The following PEPD variants were observed in gnomAD, a reference collection of about 807,000 sequenced individuals.
PEPD encodes the protein peptidase D, also known as xaa-Pro dipeptidase.
A neutral mutation model predicts 60.7 loss-of-function variants in PEPD; 53 were observed. The observed-to-expected ratio is 0.87, with a 90% confidence interval of 0.70 to 1.10. The LOEUF (loss-of-function observed/expected upper bound fraction) is 1.10. PEPD is among the 50% of genes least tolerant of loss of function. The probability of loss-of-function intolerance (pLI) is 0.00; values close to 1 mark genes in which losing one functional copy is unlikely to be tolerated. For missense variants in PEPD, 711 were observed against 711.9 expected (o/e 1.00, Z 0.01); for synonymous variants, 267 against 284.1 (o/e 0.94, Z 0.60).
At chr19:33,424,242 G>A (rs552412237) in intron 9 of PEPD, among the ~76,000 whole-genome samples, 2 of 152,338 alleles carry the variant, frequency 1.3e-5, no homozygotes, top group South Asian at 2.1e-4. Context: ...GACACCAGAG[G>A]CAGAACTTGA....
chr19:33,517,736 G>A (rs1971050699), intron 1 of PEPD, among the ~76,000 whole-genome samples: 1 of 151,940 alleles, frequency 6.6e-6, no homozygotes, highest in South Asian at 2.1e-4. Context: ...GGAGGCTGAA[G>A]TGGGTGGGTC....
At position 33,406,296 on chromosome 19, in the gene PEPD, C is replaced by T. The variant is rs80173584; in HGVS notation, c.819-4427G>A. Among the ~76,000 whole-genome samples, 1,068 of 152,300 alleles carry T rather than the reference C, an allele frequency of 7.0e-3. 14 individuals carry two copies. Among genetic ancestry groups the T allele is most frequent in the African/African-American group, 0.024 (999 of 41,554 alleles). On this transcript the variant is annotated intron_variant, in intron 11 of 14. Coordinates refer to ENST00000244137, the MANE Select transcript of PEPD (RefSeq NM_000285.4). Reference sequence around the variant, plus strand: ...ACATCAGCTGAGGAGGGTGCAGCCACGAAGCACAAACAAGAGACAAACCGA... The same window carrying T: ...ACATCAGCTGAGGAGGGTGCAGCCATGAAGCACAAACAAGAGACAAACCGA...
intron 9 of PEPD, among the ~76,000 whole-genome samples, chr19:33,437,343 T>C (rs1445057900): frequency 6.6e-6 from 1 of 152,034 alleles, no homozygotes; most frequent in Non-Finnish European, 1.5e-5. Flanking sequence ...CTACTTTTAT[T>C]TGTCCCCAAG....
intron 1 of PEPD, among the ~76,000 whole-genome samples, chr19:33,520,600 C>T (rs1489112634): frequency 1.3e-5 from 2 of 152,192 alleles, no homozygotes; most frequent in African/African-American, 4.8e-5. Context: ...ATAGCAGGTG[C>T]CCACAAAATA....
intron 9 of PEPD, among the ~76,000 whole-genome samples, chr19:33,414,424 G>A (rs1968844641): frequency 1.3e-5 from 2 of 152,216 alleles, no homozygotes; most frequent in South Asian, 4.1e-4. Context: ...AGCTCCAAGG[G>A]ACTGAGCCAT....
chr19:33,430,928 G>GT (rs1280562481), intron 9 of PEPD, among the ~76,000 whole-genome samples: 7 of 152,144 alleles, frequency 4.6e-5, no homozygotes, highest in African/African-American at 2.4e-5. Context: ...GAACCACAGT[G>GT]TATCTCTGTT....
intron 9 of PEPD, among the ~76,000 whole-genome samples, chr19:33,441,499 C>T (rs1251742346): frequency 3.9e-5 from 6 of 152,248 alleles, no homozygotes; most frequent in African/African-American, 7.2e-5. Flanking sequence ...CACGTCTTTG[C>T]GCCCAGCCAG....
At chr19:33,440,232 A>G (rs1969457370) in intron 9 of PEPD, among the ~76,000 whole-genome samples, 1 of 151,944 alleles carries the variant, frequency 6.6e-6, no homozygotes, top group South Asian at 2.1e-4. Context: ...ACCTCACTCA[A>G]TAGCAGCTCC....
At chr19:33,510,923 C>G in intron 3 of PEPD, 105 bp downstream of exon 3, 1 of 1,217,198 alleles carries the variant, frequency 8.2e-7, no homozygotes, top group Non-Finnish European at 1.2e-6. Context: ...CAGCTCTTCC[C>G]TCCTCCCCGT....
intron 11 of PEPD, among the ~76,000 whole-genome samples, chr19:33,402,168 C>T (rs567711974): frequency 4.6e-5 from 7 of 152,208 alleles, no homozygotes; most frequent in African/African-American, 1.7e-4. Context: ...ATGACACCCA[C>T]CCCTGTGGCC....
At chr19:33,393,222 AGGCCGTCCCGGGGTCTG>A (rs1568446594) in intron 12 of PEPD, among the ~76,000 whole-genome samples, 36 of 98,632 alleles carry the variant, frequency 3.6e-4, no homozygotes, top group African/African-American at 1.6e-3. Flanking sequence ...GGCGTCGGGG[AGGCCGTCCCGGGGTCTG>A]GGGTCTGGGG....
At chr19:33,481,373 C>A (rs1288917904) in intron 6 of PEPD, among the ~76,000 whole-genome samples, 3 of 151,410 alleles carry the variant, frequency 2.0e-5, no homozygotes, top group Admixed American at 2.0e-4. Context: ...TCGAGACCAG[C>A]CTGGCCAACA....
At chr19:33,454,088 C>T (rs1052736438) in intron 9 of PEPD, among the ~76,000 whole-genome samples, 3 of 152,236 alleles carry the variant, frequency 2.0e-5, no homozygotes, top group African/African-American at 7.2e-5. Flanking sequence ...AGTGAAATGG[C>T]TAACTCTGAG....
intron 11 of PEPD, among the ~76,000 whole-genome samples, chr19:33,411,418 C>T (rs1968768830): frequency 6.6e-6 from 1 of 152,206 alleles, no homozygotes; most frequent in Non-Finnish European, 1.5e-5. Flanking sequence ...CCATGGCCCA[C>T]AGGAAACCAT....
intron 6 of PEPD, among the ~76,000 whole-genome samples, chr19:33,481,977 A>G (rs1217245106): frequency 6.6e-6 from 1 of 151,780 alleles, no homozygotes; most frequent in Non-Finnish European, 1.5e-5. Flanking sequence ...CTGAGATCAC[A>G]CCACTGCACT....
chr19:33,480,223 C>CA (rs1970288652), intron 6 of PEPD, among the ~76,000 whole-genome samples: 1 of 152,106 alleles, frequency 6.6e-6, no homozygotes, highest in African/African-American at 2.4e-5. Flanking sequence ...GCTACACAAA[C>CA]AGAAACGAAA....
chr19:33,514,557 C>A (rs960914229), intron 1 of PEPD, among the ~76,000 whole-genome samples: 1 of 151,914 alleles, frequency 6.6e-6, no homozygotes, highest in Non-Finnish European at 1.5e-5. Flanking sequence ...CAGATACACC[C>A]CCCTGCACTG....
At chr19:33,466,883 C>T (rs944589025) in intron 7 of PEPD, among the ~76,000 whole-genome samples, 3 of 152,006 alleles carry the variant, frequency 2.0e-5, no homozygotes, top group East Asian at 1.9e-4. Context: ...CTAGGCCGGG[C>T]GCGGTGGCTC....
At chr19:33,424,542 C>T (rs1253136302) in intron 9 of PEPD, among the ~76,000 whole-genome samples, 1 of 152,166 alleles carries the variant, frequency 6.6e-6, no homozygotes, top group African/African-American at 2.4e-5. Context: ...CAAAAACTCC[C>T]CCTTTTAAAA....
Sources: allele counts gnomAD v4.1 joint callset (sites outside exome capture counted in the v4.1 genomes callset), GRCh38; gene constraint gnomAD v4.1.1; transcripts MANE v1.5; gene names NCBI Gene and HGNC (gene_info 2026-07-23, HGNC 2026-07-21).